The following NXN variants were observed in gnomAD, a reference collection of about 807,000 sequenced individuals.
The protein encoded by NXN is nucleoredoxin 1.
Under a neutral mutation model 48.6 loss-of-function variants are expected in NXN, and 16 were observed. The observed-to-expected ratio is 0.33, with a 90% CI of 0.22 to 0.50. The LOEUF is 0.50. Among genes scored for constraint, NXN ranks in the 20% least tolerant of loss-of-function variants. The pLI, the probability that NXN is intolerant of heterozygous loss-of-function variation, is 0.98. For missense variants in NXN, 492 were observed against 605.5 expected (o/e 0.81, Z 1.97); for synonymous variants, 281 against 269.6 (o/e 1.04, Z -0.41).
intron 1 of NXN, among the ~76,000 whole-genome samples, chr17:860,202 C>A (rs1195494152): frequency 6.6e-6 from 1 of 152,246 alleles, no homozygotes; most frequent in African/African-American, 2.4e-5. Flanking sequence ...CAGCTCACTG[C>A]AACCTCCGCC....
At position 889,223 on chromosome 17, in the gene NXN, G is replaced by C. The variant is rs1024029528; in HGVS notation, c.361-63145C>G. On this transcript the variant is annotated intron_variant, in intron 1 of 7. Coordinates refer to ENST00000336868, the MANE Select transcript of NXN (RefSeq NM_022463.5). ...CCCAGCGCCTGCACGTGCCACACTTGCCTTCTCAGGAGGATTAAGTGAGAA... is the reference window on the plus strand; with the variant it reads ...CCCAGCGCCTGCACGTGCCACACTTCCCTTCTCAGGAGGATTAAGTGAGAA... 4.0e-5 allele frequency among the ~76,000 whole-genome samples: 6 copies of C among 151,866 alleles called. No homozygotes were observed. In the South Asian group the frequency reaches 1.3e-3, roughly 32 times the overall value.
intron 1 of NXN, among the ~76,000 whole-genome samples, chr17:851,331 G>A (rs1300367097): frequency 2.0e-5 from 3 of 152,282 alleles, no homozygotes; most frequent in African/African-American, 7.2e-5. Context: ...GCCTCTGCCT[G>A]CTCCCAGGGG....
intron 6 of NXN, 53 bp downstream of exon 6, chr17:805,015 T>G: frequency 5.9e-6 from 9 of 1,514,680 alleles, no homozygotes; most frequent in Non-Finnish European, 8.1e-6. Flanking sequence ...GTGAGGCCCC[T>G]CCTGTCCCGC....
chr17:925,405 T>C (rs1006870750), intron 1 of NXN, among the ~76,000 whole-genome samples: 7 of 152,100 alleles, frequency 4.6e-5, no homozygotes, highest in Non-Finnish European at 8.8e-5. Flanking sequence ...ATTGACTGAC[T>C]GAGACAGAGT....
chr17:889,755 GAAAGAA>G (rs1186394589), intron 1 of NXN, among the ~76,000 whole-genome samples: 25,710 of 91,480 alleles, frequency 0.28, 3,026 homozygotes, highest in Middle Eastern at 0.38. Context: ...AAGAAAGAAA[GAAAGAA>G]AAAGAAAGAA....
At chr17:819,578 A>C in intron 4 of NXN, 33 bp from the exon 5 acceptor site, 1 of 1,468,942 alleles carries the variant, frequency 6.8e-7, no homozygotes, top group Non-Finnish European at 9.4e-7. Context: ...GGCAAGGCTC[A>C]GTATCCCCAC....
chr17:946,637 A>T (rs73975598), intron 1 of NXN, among the ~76,000 whole-genome samples: 7,030 of 152,254 alleles, frequency 0.046, 558 homozygotes, highest in African/African-American at 0.16. Context: ...GCTTCCCAAA[A>T]GTCCCAAAAC....
At chr17:976,233 G>A (rs774081165) in intron 1 of NXN, among the ~76,000 whole-genome samples, 1 of 151,010 alleles carries the variant, frequency 6.6e-6, no homozygotes, top group Non-Finnish European at 1.5e-5. Flanking sequence ...CAAGGTGAGA[G>A]GAACCAGGCA....
intron 1 of NXN, among the ~76,000 whole-genome samples, chr17:960,092 TA>T (rs544998504): frequency 1.6e-3 from 237 of 149,160 alleles, no homozygotes; most frequent in African/African-American, 5.2e-3. Context: ...ACTCCATCTT[TA>T]AAAAAAAAAT....
rs1427012409 is a variant in NXN at position 978,814 on chromosome 17, C to T, written c.360+505G>A. ...AAGAAAGGAAACGCGCTGGTTTGGGCGCCACGGGCGGGGGGCGTGCGCCCT... is the reference window on the plus strand; with the variant it reads ...AAGAAAGGAAACGCGCTGGTTTGGGTGCCACGGGCGGGGGGCGTGCGCCCT... On this transcript the variant is annotated intron_variant, in intron 1 of 7. Transcript: ENST00000336868. The surrounding 1 kb of genome is among the most constrained non-coding windows in gnomAD (Gnocchi z 4.1). Among the ~76,000 whole-genome samples, 4 of 151,940 alleles carry T rather than the reference C, an allele frequency of 2.6e-5. No homozygotes were observed. Among genetic ancestry groups the T allele is most frequent in the African/African-American group, 9.7e-5 (4 of 41,394 alleles).
At chr17:853,235 G>A (rs1209748806) in intron 1 of NXN, among the ~76,000 whole-genome samples, 1 of 152,168 alleles carries the variant, frequency 6.6e-6, no homozygotes, top group Admixed American at 6.5e-5. Context: ...CCTGAGGTCA[G>A]GAGTTTGAGA....
At chr17:948,823 C>T (rs1473151432) in intron 1 of NXN, among the ~76,000 whole-genome samples, 4 of 147,638 alleles carry the variant, frequency 2.7e-5, no homozygotes, top group South Asian at 4.4e-4. Flanking sequence ...CTCCTCTCCC[C>T]GCGGCCTCCT....
intron 1 of NXN, among the ~76,000 whole-genome samples, chr17:829,582 G>A (rs1324944120): frequency 2.0e-5 from 3 of 151,084 alleles, no homozygotes; most frequent in South Asian, 4.2e-4. Flanking sequence ...TTTAAGCCCC[G>A]CATGCATTAG....
At chr17:856,585 G>A (rs2067989132) in intron 1 of NXN, among the ~76,000 whole-genome samples, 1 of 151,254 alleles carries the variant, frequency 6.6e-6, no homozygotes. Context: ...CCGCCTCCCG[G>A]GTTCAAGTGA....
At chr17:896,600 C>A (rs114862326) in intron 1 of NXN, among the ~76,000 whole-genome samples, 3 of 152,196 alleles carry the variant, frequency 2.0e-5, no homozygotes, top group Non-Finnish European at 4.4e-5. Context: ...CGTTAACTAT[C>A]GTCTTCGTGT....
chr17:970,292 A>G (rs949157629), intron 1 of NXN, among the ~76,000 whole-genome samples: 2 of 152,050 alleles, frequency 1.3e-5, no homozygotes. Context: ...AAAAGGGAGG[A>G]CTGATTTAGT....
intron 1 of NXN, chr17:959,332 T>C: frequency 4.0e-6 from 1 of 249,514 alleles, no homozygotes; most frequent in Non-Finnish European, 7.7e-6. Context: ...CCCGCGACAC[T>C]CCAAGGAGGG....
intron 2 of NXN, among the ~76,000 whole-genome samples, chr17:824,301 C>G (rs1023458036): frequency 6.6e-6 from 1 of 152,178 alleles, no homozygotes; most frequent in African/African-American, 2.4e-5. Flanking sequence ...CCCGCCTCAG[C>G]CTCCCAAAGT....
intron 5 of NXN, among the ~76,000 whole-genome samples, chr17:817,346 G>A (rs1046815027): frequency 7.9e-5 from 12 of 152,104 alleles, no homozygotes; most frequent in Non-Finnish European, 1.5e-4. Context: ...ACCCATATAT[G>A]TATTCTAAAT....
Sources: gnomAD v4.1 joint callset for allele counts (sites outside exome capture counted in the v4.1 genomes callset) on GRCh38, gnomAD v4.1.1 for gene constraint, Gnocchi (gnomAD v3.1) non-coding constraint, MANE v1.5 for transcripts, NCBI Gene and HGNC (gene_info 2026-07-23, HGNC 2026-07-21) for gene names.